The following CAMK1D variants were observed in gnomAD, a reference collection of about 807,000 sequenced individuals.
The protein encoded by CAMK1D is calcium/calmodulin dependent protein kinase ID.
CAMK1D carries 9 observed loss-of-function variants against 47.7 expected under a neutral mutation model. The ratio of observed to expected loss-of-function variants is 0.19; its 90% CI spans 0.11 to 0.33. CAMK1D has a LOEUF of 0.33. Among genes scored for constraint, CAMK1D ranks in the 10% least tolerant of loss-of-function variants. CAMK1D has a pLI of 1.00. For synonymous variants in CAMK1D, 184 were observed against 184.9 expected (o/e 0.99, Z 0.04); for missense variants, 291 against 488.7 (o/e 0.60, Z 3.81).
At chr10:12,616,385 C>A (rs1588693838) in intron 2 of CAMK1D, among the ~76,000 whole-genome samples, 1 of 152,194 alleles carries the variant, frequency 6.6e-6, no homozygotes, top group Non-Finnish European at 1.5e-5. Flanking sequence ...CTGTTCTAAA[C>A]CCTTTACATG....
intron 6 of CAMK1D, among the ~76,000 whole-genome samples, chr10:12,811,641 G>T (rs969441764): frequency 6.6e-6 from 1 of 152,084 alleles, no homozygotes; most frequent in African/African-American, 2.4e-5. Flanking sequence ...TAAAAAACTG[G>T]CACCCAGAGA....
intron 5 of CAMK1D, among the ~76,000 whole-genome samples, chr10:12,781,405 C>T (rs1367277062): frequency 6.6e-6 from 1 of 152,226 alleles, no homozygotes; most frequent in African/African-American, 2.4e-5. Flanking sequence ...AGTTGACTTC[C>T]TCCATCCCGC....
chr10:12,577,051 G>A (rs1157027572), intron 2 of CAMK1D, among the ~76,000 whole-genome samples: 2 of 152,204 alleles, frequency 1.3e-5, no homozygotes, highest in Admixed American at 6.5e-5. Flanking sequence ...TTCTAGCACG[G>A]ACTGGGATGC....
intron 1 of CAMK1D, among the ~76,000 whole-genome samples, chr10:12,500,385 T>G (rs1157173857): frequency 6.6e-6 from 1 of 152,156 alleles, no homozygotes; most frequent in Non-Finnish European, 1.5e-5. Flanking sequence ...GCTTACCTCT[T>G]CTTAGACCTC....
chr10:12,473,531 C>T (rs947475625), intron 1 of CAMK1D, among the ~76,000 whole-genome samples: 3 of 152,142 alleles, frequency 2.0e-5, no homozygotes, highest in African/African-American at 7.2e-5. Flanking sequence ...TTCACTCAAT[C>T]CTTATAACAA....
intron 2 of CAMK1D, among the ~76,000 whole-genome samples, chr10:12,554,714 A>ATTT (rs151223282): frequency 2.1e-4 from 31 of 149,938 alleles, no homozygotes; most frequent in African/African-American, 4.7e-4. Context: ...TTAAAAAAAA[A>ATTT]TTTTTTTTTT....
intron 5 of CAMK1D, among the ~76,000 whole-genome samples, chr10:12,784,353 G>A (rs1316049278): frequency 6.6e-6 from 1 of 151,900 alleles, no homozygotes; most frequent in Admixed American, 6.6e-5. Flanking sequence ...ATCCACCACC[G>A]CGTCTGGCTA....
chr10:12,610,514 C>T (rs181616154), intron 2 of CAMK1D, among the ~76,000 whole-genome samples: 3 of 152,224 alleles, frequency 2.0e-5, no homozygotes, highest in Non-Finnish European at 4.4e-5. Flanking sequence ...TCCACTTTGC[C>T]CAGCAGTAAG....
chr10:12,684,375 C>T (rs960722332), intron 3 of CAMK1D, among the ~76,000 whole-genome samples: 1 of 151,820 alleles, frequency 6.6e-6, no homozygotes, highest in African/African-American at 2.4e-5. Context: ...GGGGGTATCT[C>T]GGAAGTAGCC....
chr10:12,573,997 A>G (rs1319681716), intron 2 of CAMK1D, among the ~76,000 whole-genome samples: 1 of 151,534 alleles, frequency 6.6e-6, no homozygotes, highest in Admixed American at 6.6e-5. Flanking sequence ...TAAATTATTT[A>G]TATTGTATTT....
intron 3 of CAMK1D, among the ~76,000 whole-genome samples, chr10:12,705,895 A>C (rs1039941778): frequency 2.0e-5 from 3 of 152,370 alleles, no homozygotes; most frequent in African/African-American, 7.2e-5. Flanking sequence ...CATTGGTTTC[A>C]TGATGCCAGG....
intron 1 of CAMK1D, among the ~76,000 whole-genome samples, chr10:12,373,751 T>C (rs2131860474): frequency 6.6e-6 from 1 of 151,688 alleles, no homozygotes; most frequent in African/African-American, 2.4e-5. Flanking sequence ...GGTGGGGACA[T>C]GGGTTTGCGT....
At chr10:12,553,458 C>A in intron 2 of CAMK1D, 102 bp downstream of exon 2, 3 of 915,340 alleles carry the variant, frequency 3.3e-6, no homozygotes, top group South Asian at 2.8e-5. Flanking sequence ...GGCAGAGGGG[C>A]CCCCAGAGGA....
At chr10:12,533,470 C>T (rs1835871892) in intron 1 of CAMK1D, among the ~76,000 whole-genome samples, 1 of 152,154 alleles carries the variant, frequency 6.6e-6, no homozygotes, top group Non-Finnish European at 1.5e-5. Context: ...GGATAATTTT[C>T]CTGCCATAAA....
At chr10:12,499,166 T>A (rs1437784009) in intron 1 of CAMK1D, among the ~76,000 whole-genome samples, 2 of 149,386 alleles carry the variant, frequency 1.3e-5, no homozygotes, top group Non-Finnish European at 3.0e-5. Flanking sequence ...GGAATGGAAA[T>A]GAGACCAGGA....
At chr10:12,817,331 T>C (rs1261997394) in intron 8 of CAMK1D, among the ~76,000 whole-genome samples, 1 of 152,266 alleles carries the variant, frequency 6.6e-6, no homozygotes, top group Non-Finnish European at 1.5e-5. Flanking sequence ...TTGAGTTTAT[T>C]ACTCATTAGT....
intron 3 of CAMK1D, among the ~76,000 whole-genome samples, chr10:12,752,862 T>G (rs1836052775): frequency 6.6e-6 from 1 of 152,246 alleles, no homozygotes; most frequent in Admixed American, 6.5e-5. Context: ...AGTCATATTC[T>G]GAGGCCTTTG....
intron 1 of CAMK1D, among the ~76,000 whole-genome samples, chr10:12,362,195 T>A (rs1180086017): frequency 1.3e-5 from 2 of 152,192 alleles, no homozygotes; most frequent in Non-Finnish European, 2.9e-5. Context: ...TCTCCAGAAC[T>A]CTTTCATCTT....
Position 12,828,766 on chromosome 10 carries a change from C to A in CAMK1D, c.1040-3C>A, listed in dbSNP as rs1212333923. The A allele has an allele frequency of 1.9e-6, 3 of 1,611,616 alleles. No homozygotes were observed. Among genetic ancestry groups the A allele is most frequent in the Non-Finnish European group, 2.5e-6 (3 of 1,178,006 alleles). ...TGAAGCCCACTTCTGCTGTTCCCTGCAGGTCTGGCACCTTCCACGCTCTGT... is the reference window on the plus strand; with the variant it reads ...TGAAGCCCACTTCTGCTGTTCCCTGAAGGTCTGGCACCTTCCACGCTCTGT... On this transcript the variant is annotated splice_region_variant and splice_polypyrimidine_tract_variant and intron_variant, in intron 10 of 10. Transcript: ENST00000619168.
Sources: allele counts gnomAD v4.1 joint callset (sites outside exome capture counted in the v4.1 genomes callset), GRCh38; gene constraint gnomAD v4.1.1; transcripts MANE v1.5; gene names NCBI Gene and HGNC (gene_info 2026-07-23, HGNC 2026-07-21).